TOP1MT: variants seen among roughly 807,000 people sequenced by gnomAD.
TOP1MT encodes DNA topoisomerase I, mitochondrial.
TOP1MT carries 80 observed loss-of-function variants against 73.9 expected under a neutral mutation model. The observed-to-expected ratio is 1.08, with a 90% CI of 0.90 to 1.30. The LOEUF (loss-of-function observed/expected upper bound fraction) is 1.30, where lower values mean the gene tolerates loss of function less well. TOP1MT is among the 50% of genes most tolerant of loss of function. TOP1MT has a pLI of 0.00. For missense variants in TOP1MT, 815 were observed against 808.0 expected (o/e 1.01, Z -0.10); for synonymous variants, 338 against 326.4 (o/e 1.04, Z -0.38).
At chr8:143,321,613 CG>C (rs1816375166) in intron 7 of TOP1MT, among the ~76,000 whole-genome samples, 2 of 63,482 alleles carry the variant, frequency 3.2e-5, no homozygotes, top group African/African-American at 1.8e-4. Flanking sequence ...CACGCACGCA[CG>C]CCACACGCAC....
At chr8:143,343,185 T>C (rs1563772193) in intron 2 of TOP1MT, 1 of 456,332 alleles carries the variant, frequency 2.2e-6, no homozygotes, top group Non-Finnish European at 4.4e-6. Flanking sequence ...ATCAGAATCA[T>C]GTTCACACAT....
chr8:143,350,601 G>C (rs1404445500), intron 1 of TOP1MT, among the ~76,000 whole-genome samples: 2 of 152,160 alleles, frequency 1.3e-5, no homozygotes, highest in African/African-American at 4.8e-5. Context: ...CAAAGTGCTG[G>C]GATTACAGGC....
At chr8:143,351,177 T>C (rs1367932022) in intron 1 of TOP1MT, among the ~76,000 whole-genome samples, 4 of 152,222 alleles carry the variant, frequency 2.6e-5, no homozygotes, top group Admixed American at 6.5e-5. Context: ...CACATCTTTG[T>C]TGTATTTGGA....
intron 1 of TOP1MT, chr8:143,334,383 G>A (rs939979901): frequency 2.6e-5 from 5 of 194,522 alleles, no homozygotes; most frequent in African/African-American, 1.2e-4. Context: ...GGTCTCAGAA[G>A]ACCATGCACA....
At chr8:143,321,885 CCACACACAGGCACGCCACA>C (rs1816413048) in intron 7 of TOP1MT, among the ~76,000 whole-genome samples, 1 of 93,212 alleles carries the variant, frequency 1.1e-5, no homozygotes, top group African/African-American at 4.5e-5. Context: ...CACACGCACG[CCACACACAGGCACGCCACA>C]CACACAGGCA....
chr8:143,337,201 C>T (rs955713038), upstream of TOP1MT, among the ~76,000 whole-genome samples: 9 of 152,192 alleles, frequency 5.9e-5, no homozygotes, highest in South Asian at 2.1e-4. Context: ...CCGAGACGGG[C>T]GGATCACGAG....
rs377037345 is a variant in TOP1MT, at chr8:143,310,152, T to G, written c.1619A>C (p.Gln540Pro). The change falls in exon 13 of 14, where the codon CAG (glutamine) becomes CCG (proline). Residue 540 changes from glutamine (Q) to proline (P), a missense_variant. By Grantham distance (76) the Gln-to-Pro change is moderately conservative. This residue lies in a region of TOP1MT where 751 missense variants were observed against 725.4 expected (regional missense o/e 1.04). Coordinates refer to ENST00000329245, the MANE Select transcript of TOP1MT (RefSeq NM_052963.3). ...LQEQLAQLSV[Q>P]ATDKEENKQV... Reference sequence around the variant, plus strand: ...CTTGTTCTCCTCCTTGTCCGTGGCCTGCACACTCAGCTGCGCCAGCTGCTC... The same window carrying G: ...CTTGTTCTCCTCCTTGTCCGTGGCCGGCACACTCAGCTGCGCCAGCTGCTC... The G allele has an allele frequency of 1.9e-6, 3 of 1,612,000 alleles. No individual in the cohort carries two copies. The highest frequency in any genetic ancestry group is 8.5e-7 in the Non-Finnish European group (1 of 1,179,190).
intron 11 of TOP1MT, 56 bp downstream of exon 11, chr8:143,315,943 G>A (rs1816147393): frequency 1.2e-6 from 2 of 1,611,932 alleles, no homozygotes; most frequent in Non-Finnish European, 1.7e-6. Context: ...CGAGGCTCTG[G>A]GGAGGGGGAG....
At chr8:143,354,556 T>C (rs967547021) in intron 1 of TOP1MT, among the ~76,000 whole-genome samples, 2 of 151,534 alleles carry the variant, frequency 1.3e-5, no homozygotes, top group African/African-American at 4.9e-5. Context: ...CTACTAAAAA[T>C]ACAAAATTAG....
rs376499422 is a variant in TOP1MT, at chr8:143,331,348, G to A, written c.123-9C>T. The A allele has an allele frequency of 1.8e-5, 29 of 1,607,832 alleles. No homozygotes were observed. The highest frequency in any genetic ancestry group is 4.5e-5 in the East Asian group (2 of 44,804). ...GCTTCTCCTTCTCCCACCTAAAGAC[G>A]GAGACAGGACGTGTCACTCTCCTGG... On this transcript the variant is annotated splice_polypyrimidine_tract_variant and intron_variant, in intron 1 of 13. Coordinates refer to ENST00000329245, the MANE Select transcript of TOP1MT (RefSeq NM_052963.3).
In TOP1MT at chr8:143,310,120, C is replaced by A. The variant is rs1815967764; in HGVS notation, c.1651G>T (p.Ala551Ser). 6.2e-7 allele frequency: 1 copy of A among 1,613,556 alleles called. No individual in the cohort carries two copies. The highest frequency in any genetic ancestry group is 8.5e-7 in the Non-Finnish European group (1 of 1,179,976). Residue 551 changes from alanine (A) to serine (S), a missense_variant, in exon 13 of 14, where the codon GCC (alanine) becomes TCC (serine). This residue lies in a region of TOP1MT where 751 missense variants were observed against 725.4 expected (regional missense o/e 1.04). Coordinates refer to ENST00000329245, the MANE Select transcript of TOP1MT (RefSeq NM_052963.3). ...TAGTTGAGCTTGGACGTGCCCAGGGCCACCTGCTTGTTCTCCTCCTTGTCC... is the reference window on the plus strand; with the variant it reads ...TAGTTGAGCTTGGACGTGCCCAGGGACACCTGCTTGTTCTCCTCCTTGTCC... ...ATDKEENKQVALGTSKLNYLD... is the reference protein window; with the variant it reads ...ATDKEENKQVSLGTSKLNYLD...
rs1177775456 is a variant in TOP1MT at position 143,310,058 on chromosome 8, G to A, written c.1703+10C>T. On this transcript the variant is annotated intron_variant, in intron 13 of 13. Coordinates refer to ENST00000329245, the MANE Select transcript of TOP1MT (RefSeq NM_052963.3). ...CCACAGGTGGGAACTGAGACCCCAGGCACACGCACCAGGCAATGCTGATCC... is the reference window on the plus strand; with the variant it reads ...CCACAGGTGGGAACTGAGACCCCAGACACACGCACCAGGCAATGCTGATCC... 1 of 1,610,792 alleles carries A rather than the reference G, an allele frequency of 6.2e-7. No homozygotes were observed. The highest frequency in any genetic ancestry group is 8.5e-7 in the Non-Finnish European group (1 of 1,179,814).
upstream of TOP1MT, among the ~76,000 whole-genome samples, chr8:143,356,307 G>C (rs1449806403): frequency 6.6e-6 from 1 of 152,184 alleles, no homozygotes; most frequent in Admixed American, 6.5e-5. Flanking sequence ...ATGGACAAGC[G>C]TGCAGTCCCC....
rs569790150 is a variant in TOP1MT at position 143,341,549 on chromosome 8, G to A, written c.29+1671C>T. ...GGTTCACCTTCCCCACCCCAGCAATGGCTGCCCTCCATGGGCCTAACAGAT... is the reference window on the plus strand; with the variant it reads ...GGTTCACCTTCCCCACCCCAGCAATAGCTGCCCTCCATGGGCCTAACAGAT... On this transcript the variant is annotated intron_variant, in intron 2 of 5. Transcript: ENST00000518007. This position sits in a 1 kb window ranked among gnomAD's most constrained non-coding sequence, Gnocchi z 4.1. Among the ~76,000 whole-genome samples the A allele has an allele frequency of 6.6e-6, 1 of 152,232 alleles. No homozygotes were observed. Among genetic ancestry groups the A allele is most frequent in the Non-Finnish European group, 1.5e-5 (1 of 68,044 alleles).
At position 143,325,493 on chromosome 8, in the gene TOP1MT, C is replaced by T. The variant is rs780530783; in HGVS notation, c.524G>A (p.Gly175Asp). The T allele has an allele frequency of 1.2e-6, 2 of 1,611,394 alleles. No homozygotes were observed. Among genetic ancestry groups the T allele is most frequent in the Non-Finnish European group, 1.7e-6 (2 of 1,177,716 alleles). ...TTGGTGACCATCTAAAATACAGTAGCCGAACTCTTGCTGAAGTTTTTCTGC... is the reference window on the plus strand; with the variant it reads ...TTGGTGACCATCTAAAATACAGTAGTCGAACTCTTGCTGAAGTTTTTCTGC... The part of the protein sequence containing the change: ...EEAEKLQQEF[G>D]YCILDGHQEK... The change falls in exon 5 of 14, where the codon GGC (glycine) becomes GAC (aspartate). Residue 175 changes from glycine (G) to aspartate (D), a missense_variant. Physicochemically the swap from Gly to Asp is moderately conservative, Grantham distance 94. This residue lies in a region of TOP1MT where 751 missense variants were observed against 725.4 expected (regional missense o/e 1.04). Coordinates refer to ENST00000329245, the MANE Select transcript of TOP1MT (RefSeq NM_052963.3).
intron 4 of TOP1MT, 41 bp from the exon 5 acceptor site, chr8:143,325,574 G>A (rs1816685334): frequency 8.3e-6 from 13 of 1,572,990 alleles, no homozygotes; most frequent in South Asian, 1.1e-5. Flanking sequence ...GCAGTGAAGA[G>A]AAGAGAACAG....
At chr8:143,318,376 CTTCCATCAATGCCG>C (rs1816235804) in intron 8 of TOP1MT, among the ~76,000 whole-genome samples, 1 of 152,204 alleles carries the variant, frequency 6.6e-6, no homozygotes, top group Non-Finnish European at 1.5e-5. Context: ...CCGGCTCCTT[CTTCCATCAATGCCG>C]GATTTCCACC....
intron 2 of TOP1MT, among the ~76,000 whole-genome samples, chr8:143,329,684 G>A (rs531646673): frequency 5.3e-5 from 8 of 152,238 alleles, no homozygotes; most frequent in Admixed American, 3.9e-4. Flanking sequence ...GGAGCGGGTC[G>A]TGAGAAAGCT....
chr8:143,335,831 A>G (rs1175138970), upstream of TOP1MT, among the ~76,000 whole-genome samples: 1 of 152,216 alleles, frequency 6.6e-6, no homozygotes, highest in Non-Finnish European at 1.5e-5. Context: ...CCTGCCACCA[A>G]CTGACTCAGT....
Sources: allele counts gnomAD v4.1 joint callset (sites outside exome capture counted in the v4.1 genomes callset), GRCh38; gene constraint gnomAD v4.1.1; regional missense constraint gnomAD v4.1.1; non-coding constraint Gnocchi (gnomAD v3.1); transcripts MANE v1.5; gene names NCBI Gene and HGNC (gene_info 2026-07-23, HGNC 2026-07-21).